SUMF2: variants seen among roughly 807,000 people sequenced by gnomAD.
SUMF2 encodes the protein inactive C-alpha-formylglycine-generating enzyme 2.
A neutral mutation model predicts 44.8 loss-of-function variants in SUMF2; 45 were observed. The observed-to-expected ratio is 1.00, with a 90% CI of 0.79 to 1.29. The LOEUF is 1.29. Ranked by LOEUF, SUMF2 falls within the 50% of genes most tolerant of loss-of-function variation. SUMF2 has a pLI of 0.00. For missense variants in SUMF2, 418 were observed against 389.9 expected, an observed-to-expected ratio of 1.07 and a Z score of -0.61; for synonymous variants, 148 against 150.4, an observed-to-expected ratio of 0.98 and a Z score of 0.12.
In SUMF2 at chr7:56,079,410, C is replaced by T. The variant is rs1795821422; in HGVS notation, c.822-118C>T. 7 of 1,035,412 alleles carry T rather than the reference C, an allele frequency of 6.8e-6. No individual in the cohort carries two copies. In the East Asian group the frequency reaches 9.5e-5, roughly 14 times the overall value. 64.1% of individuals were successfully genotyped at this position (1,035,412 alleles called of 1,614,324 possible). On this transcript the variant is annotated intron_variant, in intron 8 of 8. Transcript: ENST00000434526. ...CAGGCTTCTTTCCAGACCATGCTCT[C>T]CCCAGCCCTCATGCTCCCTGATCAT...
intron 1 of SUMF2, among the ~76,000 whole-genome samples, chr7:56,065,172 G>C: frequency 7.5e-6 from 1 of 133,744 alleles, no homozygotes; most frequent in Non-Finnish European, 1.5e-5. Flanking sequence ...CAGCCTGGGC[G>C]ACAGCGAGAC....
chr7:56,065,326 C>T (rs938888094), intron 1 of SUMF2, among the ~76,000 whole-genome samples: 6 of 152,130 alleles, frequency 3.9e-5, no homozygotes, highest in African/African-American at 1.4e-4. Flanking sequence ...CTCCCCCTCT[C>T]CTGGAGCCAT....
chr7:56,080,817 T>C, downstream of SUMF2: 1 of 568,264 alleles, frequency 1.8e-6, no homozygotes, highest in Non-Finnish European at 3.1e-6. Context: ...TCAGGCCACG[T>C]GTGATCTCTG....
chr7:56,078,602 A>G (rs1795740736), intron 8 of SUMF2, 94 bp downstream of exon 8: 1 of 1,359,234 alleles, frequency 7.4e-7, no homozygotes, highest in Middle Eastern at 1.9e-4. Flanking sequence ...CACACCACCA[A>G]CCGTCTGTGT....
chr7:56,066,175 TA>T (rs1794785829), intron 1 of SUMF2, among the ~76,000 whole-genome samples: 1 of 147,186 alleles, frequency 6.8e-6, no homozygotes, highest in Non-Finnish European at 1.5e-5. Context: ...TGTGTCAGAA[TA>T]AGAGATCCAA....
intron 2 of SUMF2, 45 bp downstream of exon 2, chr7:56,068,683 C>A: frequency 5.8e-6 from 9 of 1,558,870 alleles, no homozygotes; most frequent in Non-Finnish European, 7.8e-6. Flanking sequence ...CCTCTCTAAT[C>A]TCATTCTTTT....
chr7:56,073,330 G>A (rs75338979), intron 3 of SUMF2: 1 of 596,626 alleles, frequency 1.7e-6, no homozygotes, highest in Non-Finnish European at 3.1e-6. Context: ...TCCAAGTCAG[G>A]ATAGGATCCA....
At chr7:56,084,680 C>T (rs1796179318), downstream of SUMF2, among the ~76,000 whole-genome samples, 4 of 151,884 alleles carry the variant, frequency 2.6e-5, no homozygotes, top group South Asian at 8.3e-4. Flanking sequence ...GCCGAGTATC[C>T]CGATTTTTTC....
chr7:56,066,346 T>C (rs911343590), intron 1 of SUMF2, among the ~76,000 whole-genome samples: 11 of 152,224 alleles, frequency 7.2e-5, no homozygotes, highest in African/African-American at 2.7e-4. Flanking sequence ...AATCTAGTCC[T>C]GTCTCCTGCT....
At position 56,074,351 on chromosome 7, in the gene SUMF2, C is replaced by T. The variant is rs984406608; in HGVS notation, c.384+133C>T. The T allele has an allele frequency of 7.2e-6, 8 of 1,108,048 alleles. No individual in the cohort carries two copies. In the Admixed American group the frequency reaches 8.7e-5, roughly 12 times the overall value. 68.6% of individuals were successfully genotyped at this position (1,108,048 alleles called of 1,614,324 possible). On this transcript the variant is annotated intron_variant, in intron 4 of 8. Coordinates refer to ENST00000434526, the MANE Select transcript of SUMF2 (RefSeq NM_015411.4). Reference sequence around the variant, plus strand: ...AAGGATAGGGGAATATCAGGGAAAGCGCTCAGCAGGCCTGTTTCACCTGCC... The same window carrying T: ...AAGGATAGGGGAATATCAGGGAAAGTGCTCAGCAGGCCTGTTTCACCTGCC...
chr7:56,066,268 G>C (rs1286478987), intron 1 of SUMF2, among the ~76,000 whole-genome samples: 4 of 152,078 alleles, frequency 2.6e-5, no homozygotes, highest in Non-Finnish European at 5.9e-5. Flanking sequence ...TTCTTGGAAA[G>C]ACACTGTGAA....
chr7:56,071,681 A>T (rs1383310536), intron 2 of SUMF2, among the ~76,000 whole-genome samples: 2 of 151,892 alleles, frequency 1.3e-5, no homozygotes, highest in Non-Finnish European at 2.9e-5. Context: ...GCTACTCAGG[A>T]GGCTGAGGCA....
downstream of SUMF2, chr7:56,083,158 G>C (rs943948659): frequency 3.5e-6 from 3 of 851,898 alleles, no homozygotes; most frequent in African/African-American, 5.1e-5. Flanking sequence ...CCCTTGAAAT[G>C]GTGGAATTTT....
chr7:56,079,184 C>T (rs1040550855), intron 8 of SUMF2: 4 of 503,780 alleles, frequency 7.9e-6, no homozygotes, highest in African/African-American at 5.8e-5. Context: ...GTGATATTCT[C>T]ATTGCTTGTG....
chr7:56,083,183 ATT>A, downstream of SUMF2: 1 of 1,102,416 alleles, frequency 9.1e-7, no homozygotes, highest in Non-Finnish European at 1.3e-6. Context: ...CCAGGGAACA[ATT>A]AAGTTAGGGG....
intron 8 of SUMF2, chr7:56,079,090 T>G: frequency 1.9e-6 from 1 of 523,568 alleles, no homozygotes; most frequent in Non-Finnish European, 3.4e-6. Flanking sequence ...CCTAGGTTTG[T>G]CTCATACTCC....
chr7:56,066,301 A>G (rs1794796223), intron 1 of SUMF2, among the ~76,000 whole-genome samples: 1 of 152,116 alleles, frequency 6.6e-6, no homozygotes, highest in Admixed American at 6.6e-5. Flanking sequence ...CTGAAGCAGT[A>G]TGGCTTATTG....
At chr7:56,083,381 G>C, downstream of SUMF2, 1 of 1,614,136 alleles carries the variant, frequency 6.2e-7, no homozygotes, top group Non-Finnish European at 8.5e-7. Flanking sequence ...TCAGGTCCCG[G>C]TGCACGATGT....
chr7:56,082,210 C>T (rs751972729), downstream of SUMF2: 1 of 1,613,874 alleles, frequency 6.2e-7, no homozygotes, highest in South Asian at 1.1e-5. Context: ...TCATGGAGCA[C>T]TCGATAATCT....
Sources: gnomAD v4.1 joint callset for allele counts (sites outside exome capture counted in the v4.1 genomes callset) on GRCh38, gnomAD v4.1.1 for gene constraint, MANE v1.5 for transcripts, NCBI Gene and HGNC (gene_info 2026-07-23, HGNC 2026-07-21) for gene names.